The following CDH13 variants were observed in gnomAD, a reference collection of about 807,000 sequenced individuals.
CDH13 encodes the protein cadherin 13.
A neutral mutation model predicts 63.8 loss-of-function variants in CDH13; 24 were observed. That is an observed-to-expected ratio of 0.38 (90% confidence interval 0.27 to 0.53). The LOEUF (loss-of-function observed/expected upper bound fraction) is 0.53, where lower values mean the gene tolerates loss of function less well. Among genes scored for constraint, CDH13 ranks in the 20% least tolerant of loss-of-function variants. The pLI is 0.85. For missense variants in CDH13, 1,049 were observed against 903.1 expected, an observed-to-expected ratio of 1.16 and a Z score of -2.07; for synonymous variants, 503 against 355.3, an observed-to-expected ratio of 1.42 and a Z score of -4.67.
chr16:82,757,885 G>C (rs1414022539), intron 1 of CDH13, among the ~76,000 whole-genome samples: 2 of 152,188 alleles, frequency 1.3e-5, no homozygotes, highest in Admixed American at 6.5e-5. Flanking sequence ...TCTTGACCTC[G>C]TGATCCGCCC....
chr16:82,828,879 TG>T (rs2038389231), intron 1 of CDH13, among the ~76,000 whole-genome samples: 1 of 152,212 alleles, frequency 6.6e-6, no homozygotes, highest in Admixed American at 6.5e-5. Context: ...TAGGGTATTT[TG>T]GTATTTGAGA....
intron 4 of CDH13, among the ~76,000 whole-genome samples, chr16:83,145,181 A>G (rs936835405): frequency 3.9e-5 from 6 of 152,168 alleles, no homozygotes; most frequent in African/African-American, 1.2e-4. Flanking sequence ...AATTACAGTG[A>G]TGAGCTGTTT....
intron 5 of CDH13, among the ~76,000 whole-genome samples, chr16:83,274,957 C>G (rs1347301142): frequency 6.6e-6 from 1 of 152,138 alleles, no homozygotes; most frequent in Non-Finnish European, 1.5e-5. Context: ...TCCTCTGCCC[C>G]TCTTATTTAA....
chr16:82,764,003 G>A (rs2034953619), intron 1 of CDH13, among the ~76,000 whole-genome samples: 1 of 152,320 alleles, frequency 6.6e-6, no homozygotes, highest in South Asian at 2.1e-4. Flanking sequence ...AAGGGGTAGA[G>A]TGACAAGGAC....
intron 5 of CDH13, among the ~76,000 whole-genome samples, chr16:83,334,361 T>TCTCTCATA (rs1272779883): frequency 8.2e-5 from 7 of 85,594 alleles, no homozygotes; most frequent in Admixed American, 5.4e-4. Flanking sequence ...TCTCTCTCTC[T>TCTCTCATA]CACACACACA....
intron 7 of CDH13, among the ~76,000 whole-genome samples, chr16:83,493,071 C>T (rs932581003): frequency 1.3e-5 from 2 of 152,120 alleles, no homozygotes; most frequent in Admixed American, 1.3e-4. Context: ...CTCTAAACCT[C>T]GATTTCTTCA....
chr16:83,359,125 T>C (rs1182703743), intron 6 of CDH13, among the ~76,000 whole-genome samples: 1 of 152,136 alleles, frequency 6.6e-6, no homozygotes, highest in Non-Finnish European at 1.5e-5. Flanking sequence ...CATGAGAAAG[T>C]ACCTGTGAGT....
At chr16:82,668,390 C>A (rs902023883) in intron 1 of CDH13, among the ~76,000 whole-genome samples, 1 of 152,022 alleles carries the variant, frequency 6.6e-6, no homozygotes, top group African/African-American at 2.4e-5. Context: ...CTAGAGGACT[C>A]GACTTCATTC....
intron 6 of CDH13, among the ~76,000 whole-genome samples, chr16:83,458,587 C>G (rs909451014): frequency 4.6e-5 from 7 of 152,190 alleles, no homozygotes; most frequent in African/African-American, 1.4e-4. Context: ...CATGACAATA[C>G]AAATTCTTAC....
chr16:83,713,370 C>T (rs577814460), intron 10 of CDH13, among the ~76,000 whole-genome samples: 1 of 152,148 alleles, frequency 6.6e-6, no homozygotes, highest in Non-Finnish European at 1.5e-5. Context: ...TTGAGTCCGA[C>T]TTATTTTTGA....
Position 83,678,345 on chromosome 16 carries a change from C to T in CDH13, c.1422C>T (p.Gly474=). The T allele has an allele frequency of 6.2e-7, 1 of 1,614,014 alleles. No individual in the cohort carries two copies. The change falls in exon 10 of 14, where the codon GGC becomes GGT. Residue 474 remains glycine (G), a synonymous_variant. Transcript: ENST00000567109. ...TCACTGTCCTGGATGTCAACGAGGG[C>T]CCAGTCTTCTACCCAGACCCCATGA... is the stretch of plus-strand genomic sequence containing the variant. ...VHITVLDVNE[G]PVFYPDPMMV... is the part of the protein sequence containing the mutation.
intron 3 of CDH13, among the ~76,000 whole-genome samples, chr16:83,096,682 G>A (rs2034213609): frequency 6.6e-6 from 1 of 152,160 alleles, no homozygotes; most frequent in South Asian, 2.1e-4. Flanking sequence ...CCCTTGGACT[G>A]AGTGCAATTA....
chr16:82,972,513 G>A (rs1399755985), intron 2 of CDH13, among the ~76,000 whole-genome samples: 1 of 152,176 alleles, frequency 6.6e-6, no homozygotes, highest in Non-Finnish European at 1.5e-5. Flanking sequence ...CTTGGGACCT[G>A]GGGAGGTTAT....
At chr16:83,348,467 T>G (rs2090885494) in intron 6 of CDH13, among the ~76,000 whole-genome samples, 1 of 152,202 alleles carries the variant, frequency 6.6e-6, no homozygotes, top group Non-Finnish European at 1.5e-5. Context: ...GGCAGCTTCA[T>G]GGGGCACAGC....
chr16:83,723,269 A>T (rs77152299), intron 10 of CDH13, among the ~76,000 whole-genome samples: 1 of 152,196 alleles, frequency 6.6e-6, no homozygotes. Context: ...CACCCACCCT[A>T]TGAGTGAGGT....
chr16:83,509,324 G>A (rs1294593672), intron 7 of CDH13, among the ~76,000 whole-genome samples: 1 of 152,212 alleles, frequency 6.6e-6, no homozygotes, highest in East Asian at 1.9e-4. Flanking sequence ...CCAGGTATGG[G>A]ATAACTTGAG....
intron 7 of CDH13, among the ~76,000 whole-genome samples, chr16:83,494,210 T>C (rs1470151406): frequency 6.6e-6 from 1 of 152,228 alleles, no homozygotes; most frequent in Non-Finnish European, 1.5e-5. Flanking sequence ...TACTTCTCTT[T>C]TTTGTCATTT....
chr16:83,448,705 A>T (rs1194220822), intron 6 of CDH13, among the ~76,000 whole-genome samples: 1 of 152,186 alleles, frequency 6.6e-6, no homozygotes, highest in African/African-American at 2.4e-5. Context: ...GAGTAAGAGG[A>T]TGCATTCATT....
chr16:83,670,222 C>G (rs1015433616), intron 8 of CDH13, among the ~76,000 whole-genome samples: 8 of 152,116 alleles, frequency 5.3e-5, no homozygotes, highest in Non-Finnish European at 1.2e-4. Flanking sequence ...GGGTCAAATC[C>G]CAGTCTCTCC....
Sources: allele counts gnomAD v4.1 joint callset (sites outside exome capture counted in the v4.1 genomes callset), GRCh38; gene constraint gnomAD v4.1.1; transcripts MANE v1.5; gene names NCBI Gene and HGNC (gene_info 2026-07-23, HGNC 2026-07-21).